Variants in CCSER1 observed in about 807,000 individuals in gnomAD.
CCSER1 encodes the protein serine-rich coiled-coil domain-containing protein 1.
CCSER1 carries 41 observed loss-of-function variants against 82.0 expected under a neutral mutation model. That is an observed-to-expected ratio of 0.50 (90% CI 0.39 to 0.65). The LOEUF is 0.65. Among genes scored for constraint, CCSER1 ranks in the 30% least tolerant of loss-of-function variants. The pLI, the probability that CCSER1 is intolerant of heterozygous loss-of-function variation, is 0.00. For synonymous variants in CCSER1, 414 were observed against 383.9 expected (o/e 1.08, Z -0.92); for missense variants, 1,119 against 1,064.2 (o/e 1.05, Z -0.72).
intron 4 of CCSER1, among the ~76,000 whole-genome samples, chr4:90,427,322 T>C (rs1443129743): frequency 1.3e-5 from 2 of 151,846 alleles, no homozygotes; most frequent in African/African-American, 4.8e-5. Flanking sequence ...CTTACACTCT[T>C]TATATGAGGA....
rs367744361 is a variant in CCSER1, at chr4:90,312,900, A to T, written c.1362A>T (p.Arg454Ser). The stretch of plus-strand genomic sequence containing the variant: ...GTCTCAGTCCATTTCGTGAAGGAAG[A>T]TTTATAGAGAGGAGACTGCGATCCT... ...ASSLSPFREG[R>S]FIERRLRSSS... Residue 454 changes from arginine (R) to serine (S), a missense_variant, in exon 3 of 11, where the codon AGA (arginine) becomes AGT (serine). Physicochemically the swap from Arg to Ser is moderately radical, Grantham distance 110. Coordinates refer to ENST00000509176, the MANE Select transcript of CCSER1 (RefSeq NM_001145065.2). 2 of 1,580,302 alleles carry T rather than the reference A, an allele frequency of 1.3e-6. No homozygotes were observed. The highest frequency in any genetic ancestry group is 2.7e-5 in the African/African-American group (2 of 74,244).
intron 10 of CCSER1, among the ~76,000 whole-genome samples, chr4:91,423,711 A>G (rs1204874834): frequency 1.3e-5 from 2 of 152,090 alleles, no homozygotes; most frequent in East Asian, 3.9e-4. Context: ...TCTTACTAGC[A>G]TCTCCTAATA....
In CCSER1 at chr4:91,118,592, C is replaced by G. The variant is rs185942533; in HGVS notation, c.2217+32598C>G. Among the ~76,000 whole-genome samples, 3 of 152,200 alleles carry G rather than the reference C, an allele frequency of 2.0e-5. No individual in the cohort carries two copies. In the East Asian group the frequency reaches 5.8e-4, roughly 29 times the overall value. ...GCCTGGCTGAGCCTAGTCATGAAGT[C>G]TCATTTAGATTGGTTAACTTCATAG... On this transcript the variant is annotated intron_variant, in intron 10 of 10. Coordinates refer to ENST00000509176, the MANE Select transcript of CCSER1 (RefSeq NM_001145065.2).
intron 8 of CCSER1, among the ~76,000 whole-genome samples, chr4:90,826,982 T>C (rs1486968397): frequency 1.3e-5 from 2 of 152,198 alleles, no homozygotes. Context: ...AAAGCCATTA[T>C]GTGAAACTGG....
chr4:90,915,378 G>A (rs951514683), intron 8 of CCSER1, among the ~76,000 whole-genome samples: 3 of 152,052 alleles, frequency 2.0e-5, no homozygotes, highest in Non-Finnish European at 4.4e-5. Flanking sequence ...ACCAATAAAC[G>A]TAACCCAGCA....
intron 5 of CCSER1, among the ~76,000 whole-genome samples, chr4:90,591,775 G>A (rs765458113): frequency 5.3e-5 from 8 of 152,074 alleles, no homozygotes; most frequent in Non-Finnish European, 1.0e-4. Flanking sequence ...CAAAGACTTG[G>A]AACCAACCCA....
At chr4:90,374,605 C>G (rs1747998381) in intron 3 of CCSER1, among the ~76,000 whole-genome samples, 1 of 152,102 alleles carries the variant, frequency 6.6e-6, no homozygotes, top group African/African-American at 2.4e-5. Context: ...CCATATGTGT[C>G]AGGTAAAAAC....
intron 10 of CCSER1, among the ~76,000 whole-genome samples, chr4:91,327,101 C>T (rs992245218): frequency 9.2e-5 from 14 of 152,300 alleles, no homozygotes; most frequent in African/African-American, 3.4e-4. Flanking sequence ...TATGGTGGCC[C>T]TCTTCTCACA....
At chr4:91,264,999 AC>A (rs1455375451) in intron 10 of CCSER1, among the ~76,000 whole-genome samples, 1 of 152,052 alleles carries the variant, frequency 6.6e-6, no homozygotes, top group Middle Eastern at 3.2e-3. Context: ...GACTTAAGGC[AC>A]AATTAGCATT....
chr4:90,759,370 A>C (rs1423102054), intron 7 of CCSER1, among the ~76,000 whole-genome samples: 3 of 152,324 alleles, frequency 2.0e-5, no homozygotes, highest in Admixed American at 2.0e-4. Context: ...GATATTGGGA[A>C]TAGGACAAAA....
intron 10 of CCSER1, among the ~76,000 whole-genome samples, chr4:91,125,364 T>C (rs553233053): frequency 6.6e-6 from 1 of 151,716 alleles, no homozygotes; most frequent in Non-Finnish European, 1.5e-5. Flanking sequence ...GTATGGAAGA[T>C]TTTTATAAAC....
intron 10 of CCSER1, among the ~76,000 whole-genome samples, chr4:91,154,882 C>A (rs763641130): frequency 1.3e-5 from 2 of 151,976 alleles, no homozygotes; most frequent in Admixed American, 6.5e-5. Flanking sequence ...AAGGCAATCT[C>A]CCATTTACAG....
chr4:90,748,366 T>C (rs1747911888), intron 7 of CCSER1, among the ~76,000 whole-genome samples: 1 of 151,172 alleles, frequency 6.6e-6, no homozygotes. Context: ...GGACATGAAC[T>C]CATCATTTTT....
intron 10 of CCSER1, among the ~76,000 whole-genome samples, chr4:91,303,810 A>G (rs1744848242): frequency 2.0e-5 from 3 of 151,798 alleles, no homozygotes; most frequent in South Asian, 4.1e-4. Flanking sequence ...ACAAACAAAC[A>G]ACAACAACAA....
At chr4:91,144,052 T>C (rs1451453938) in intron 10 of CCSER1, among the ~76,000 whole-genome samples, 1 of 152,052 alleles carries the variant, frequency 6.6e-6, no homozygotes, top group South Asian at 2.1e-4. Flanking sequence ...GTAGCTTTTG[T>C]ACCAGCTCTT....
rs1416176113 is a variant in CCSER1 at position 91,567,261 on chromosome 4, A to T, written c.2218-31311A>T. On this transcript the variant is annotated intron_variant, in intron 10 of 10. Coordinates refer to ENST00000509176, the MANE Select transcript of CCSER1 (RefSeq NM_001145065.2). ...ATCTGAGAGTATGTTTGGTGTGATT[A>T]CATTTCTTTTACATTTGTTGAGGAT... Among the ~76,000 whole-genome samples, 3 of 152,082 alleles carry T rather than the reference A, an allele frequency of 2.0e-5. No homozygotes were observed. The East Asian group carries it at 5.8e-4, about 29-fold the overall frequency.
intron 5 of CCSER1, among the ~76,000 whole-genome samples, chr4:90,476,266 C>G (rs1445217892): frequency 6.6e-6 from 1 of 152,126 alleles, no homozygotes; most frequent in Non-Finnish European, 1.5e-5. Flanking sequence ...GCCAACAGCT[C>G]CCACCACTAG....
intron 5 of CCSER1, among the ~76,000 whole-genome samples, chr4:90,523,861 G>T (rs1163823703): frequency 6.6e-6 from 1 of 151,984 alleles, no homozygotes; most frequent in Non-Finnish European, 1.5e-5. Context: ...ATAATTATAG[G>T]CATATAACCA....
At position 90,570,546 on chromosome 4, in the gene CCSER1, G is replaced by A. The variant is rs566963318; in HGVS notation, c.1725-57479G>A. 1.2e-4 allele frequency among the ~76,000 whole-genome samples: 19 copies of A among 152,256 alleles called. No homozygotes were observed. In the South Asian group the frequency reaches 3.7e-3, roughly 30 times the overall value. On this transcript the variant is annotated intron_variant, in intron 5 of 10. Coordinates refer to ENST00000509176, the MANE Select transcript of CCSER1 (RefSeq NM_001145065.2). ...GCACAGGGGACTGATGGTCCCCTGG[G>A]AGTTGCATGCCTCCTGGTGACCTCC...
Sources: gnomAD v4.1 joint callset for allele counts (sites outside exome capture counted in the v4.1 genomes callset) on GRCh38, gnomAD v4.1.1 for gene constraint, MANE v1.5 for transcripts, NCBI Gene and HGNC (gene_info 2026-07-23, HGNC 2026-07-21) for gene names.